RMDN1: variants seen among roughly 807,000 people sequenced by gnomAD.
RMDN1 encodes the protein regulator of microtubule dynamics 1.
In RMDN1, 48 loss-of-function variants were observed where a neutral mutation model predicts 48.9. That is an observed-to-expected ratio of 0.98 (90% CI 0.78 to 1.25). The LOEUF (loss-of-function observed/expected upper bound fraction) is 1.25. Among genes scored for constraint, RMDN1 ranks in the 50% most tolerant of loss-of-function variants. RMDN1 has a pLI of 0.00. For missense variants in RMDN1, 418 were observed against 373.4 expected (o/e 1.12, Z -0.98); for synonymous variants, 148 against 132.6 (o/e 1.12, Z -0.80).
chr8:86,510,909 G>C (rs903728738), upstream of RMDN1, among the ~76,000 whole-genome samples: 3 of 152,160 alleles, frequency 2.0e-5, no homozygotes, highest in African/African-American at 7.2e-5. Context: ...AACAGCTTGA[G>C]CCCAGGATGT....
Position 86,479,020 on chromosome 8 carries a change from A to G in RMDN1, c.642-10T>C. 1 of 1,594,542 alleles carries G rather than the reference A, an allele frequency of 6.3e-7. No homozygotes were observed. On this transcript the variant is annotated splice_polypyrimidine_tract_variant and intron_variant, in intron 6 of 9. Coordinates refer to ENST00000406452, the MANE Select transcript of RMDN1 (RefSeq NM_016033.3). ...GGCAAATGTATAGCACCTACAGGGAAATAAAACAATTTTATACATTCAAAT... is the reference window on the plus strand; with the variant it reads ...GGCAAATGTATAGCACCTACAGGGAGATAAAACAATTTTATACATTCAAAT...
intron 7 of RMDN1, chr8:86,478,283 C>T (rs1395961365): frequency 6.6e-6 from 1 of 152,060 alleles, no homozygotes; most frequent in Non-Finnish European, 1.5e-5. Context: ...GTATTTTTTA[C>T]ATCAATTTCT....
At chr8:86,492,963 C>A in intron 2 of RMDN1, among the ~76,000 whole-genome samples, 2 of 148,146 alleles carry the variant, frequency 1.4e-5, no homozygotes, top group African/African-American at 2.5e-5. Flanking sequence ...GAGAATTAAG[C>A]AGAAATTTTG....
intron 9 of RMDN1, 33 bp downstream of exon 9, chr8:86,474,787 C>A: frequency 6.3e-7 from 1 of 1,590,444 alleles, no homozygotes; most frequent in Non-Finnish European, 8.6e-7. Flanking sequence ...TGCCTCAAAA[C>A]CTTTCTGCCT....
At chr8:86,508,714 G>GCCCC (rs1563673735), upstream of RMDN1, 1 of 1,336,728 alleles carries the variant, frequency 7.5e-7, no homozygotes, top group East Asian at 3.1e-5. Context: ...AAAGAACCGC[G>GCCCC]CCCGCCCGCC....
chr8:86,503,373 AAAAAAAAAAAAAAAAAC>A lies in RMDN1; in HGVS notation c.247+3605_247+3621del. ...TCTCAAAACAAAACAAAACAAAACA[AAAAAAAAAAAAAAAAAC>A]AAAAAAAAATAACAAAAATAACTTG... On this transcript the variant is annotated intron_variant, in intron 2 of 9. Coordinates refer to ENST00000406452, the MANE Select transcript of RMDN1 (RefSeq NM_016033.3). 1.4e-4 allele frequency among the ~76,000 whole-genome samples: 10 copies of A among 72,362 alleles called. 1 individual carries two copies. In the South Asian group the frequency reaches 1.6e-3, roughly 11 times the overall value. The allele number at this position is 72,362 out of a possible 152,430, so 47.5% of individuals were successfully genotyped here.
At chr8:86,507,218 C>A in intron 1 of RMDN1, 106 bp from the exon 2 acceptor site, 1 of 659,218 alleles carries the variant, frequency 1.5e-6, no homozygotes, top group East Asian at 2.5e-5. Context: ...AGCAATCGAT[C>A]ATAATACTGG....
intron 2 of RMDN1, among the ~76,000 whole-genome samples, chr8:86,491,168 C>T (rs1218100560): frequency 6.6e-6 from 1 of 151,856 alleles, no homozygotes; most frequent in Non-Finnish European, 1.5e-5. Context: ...TGGAGTCTCA[C>T]TCTGTCGTCA....
At chr8:86,488,663 A>T (rs755599338) in intron 2 of RMDN1, 24 bp from the exon 3 acceptor site, 26 of 1,549,516 alleles carry the variant, frequency 1.7e-5, no homozygotes, top group Middle Eastern at 1.7e-4. Flanking sequence ...AAAGGAAAAA[A>T]GACACAATAA....
chr8:86,494,260 T>A (rs1238409760), intron 2 of RMDN1, among the ~76,000 whole-genome samples: 1 of 152,132 alleles, frequency 6.6e-6, no homozygotes, highest in Non-Finnish European at 1.5e-5. Flanking sequence ...GAAAGTGGCA[T>A]AAAAACTTGT....
At chr8:86,471,695 G>A (rs1812588108), downstream of RMDN1, among the ~76,000 whole-genome samples, 1 of 152,100 alleles carries the variant, frequency 6.6e-6, no homozygotes, top group South Asian at 2.1e-4. Context: ...CCAAGAAAAT[G>A]AAACAAAAAG....
At chr8:86,479,545 C>T (rs1813985983) in intron 6 of RMDN1, among the ~76,000 whole-genome samples, 1 of 152,138 alleles carries the variant, frequency 6.6e-6, no homozygotes, top group African/African-American at 2.4e-5. Context: ...GGTCTGAAGT[C>T]CTTAAGGCAG....
At chr8:86,500,961 T>C (rs764325332) in intron 2 of RMDN1, among the ~76,000 whole-genome samples, 2 of 152,174 alleles carry the variant, frequency 1.3e-5, no homozygotes, top group Non-Finnish European at 2.9e-5. Flanking sequence ...AACCAAATAC[T>C]GCATGTTTTC....
chr8:86,493,735 A>G (rs1816878718), intron 2 of RMDN1, among the ~76,000 whole-genome samples: 2 of 152,204 alleles, frequency 1.3e-5, no homozygotes, highest in Non-Finnish European at 2.9e-5. Flanking sequence ...TTGATTGTTC[A>G]GTGCACACAA....
At chr8:86,509,273 G>C (rs910396604), upstream of RMDN1, among the ~76,000 whole-genome samples, 2 of 152,060 alleles carry the variant, frequency 1.3e-5, no homozygotes, top group African/African-American at 4.8e-5. Flanking sequence ...GAATGCTAGG[G>C]CATGTGTAGT....
downstream of RMDN1, among the ~76,000 whole-genome samples, chr8:86,471,695 G>GAAAC (rs1358713074): frequency 6.6e-6 from 1 of 152,100 alleles, no homozygotes; most frequent in African/African-American, 2.4e-5. Flanking sequence ...CCAAGAAAAT[G>GAAAC]AAACAAAAAG....
At chr8:86,479,395 A>C (rs1250291658) in intron 6 of RMDN1, among the ~76,000 whole-genome samples, 1 of 152,206 alleles carries the variant, frequency 6.6e-6, no homozygotes, top group African/African-American at 2.4e-5. Context: ...AAAAATGACA[A>C]AGCTAAACAT....
chr8:86,490,657 T>C (rs369821477), intron 2 of RMDN1, among the ~76,000 whole-genome samples: 31 of 152,306 alleles, frequency 2.0e-4, no homozygotes, highest in African/African-American at 7.2e-4. Context: ...TTGTGTTGTT[T>C]AAGTCACTGA....
At chr8:86,503,957 T>C (rs1462016486) in intron 2 of RMDN1, 2 of 761,476 alleles carry the variant, frequency 2.6e-6, no homozygotes, top group Non-Finnish European at 4.9e-6. Context: ...TGCTTGGTTA[T>C]TGGCCTCTTC....
Sources: allele counts gnomAD v4.1 joint callset (sites outside exome capture counted in the v4.1 genomes callset), GRCh38; gene constraint gnomAD v4.1.1; transcripts MANE v1.5; gene names NCBI Gene and HGNC (gene_info 2026-07-23, HGNC 2026-07-21).